FSTL5: variants seen among roughly 807,000 people sequenced by gnomAD.
FSTL5 encodes follistatin-related protein 5.
In FSTL5, 62 loss-of-function variants were observed where a neutral mutation model predicts 89.1. The observed-to-expected ratio is 0.70, with a 90% confidence interval of 0.57 to 0.86. The LOEUF (loss-of-function observed/expected upper bound fraction) is 0.86, where lower values mean the gene tolerates loss of function less well. Among genes scored for constraint, FSTL5 ranks in the 40% least tolerant of loss-of-function variants. The pLI, the probability that FSTL5 is intolerant of heterozygous loss-of-function variation, is 0.00. For synonymous variants in FSTL5, 383 were observed against 346.2 expected (o/e 1.11, Z -1.18); for missense variants, 1,057 against 1,001.6 (o/e 1.06, Z -0.75).
intron 4 of FSTL5, among the ~76,000 whole-genome samples, chr4:161,777,243 GTATA>G (rs4065063): frequency 1.4e-5 from 2 of 144,970 alleles, no homozygotes; most frequent in Non-Finnish European, 3.0e-5. Context: ...ATTTCATTGT[GTATA>G]TATATATATA....
chr4:162,112,164 C>T (rs1377265544), intron 1 of FSTL5, among the ~76,000 whole-genome samples: 1 of 152,162 alleles, frequency 6.6e-6, no homozygotes, highest in East Asian at 1.9e-4. Context: ...CTTTCGCCAA[C>T]ACACCTCCTT....
chr4:162,090,775 C>A (rs561871581), intron 2 of FSTL5, among the ~76,000 whole-genome samples: 3 of 151,824 alleles, frequency 2.0e-5, no homozygotes, highest in Non-Finnish European at 4.4e-5. Flanking sequence ...GCCGAGATTG[C>A]GCCACTGCAC....
At chr4:161,493,723 G>A (rs1729961895) in intron 12 of FSTL5, among the ~76,000 whole-genome samples, 1 of 152,000 alleles carries the variant, frequency 6.6e-6, no homozygotes, top group Non-Finnish European at 1.5e-5. Context: ...TGTAAAGCGT[G>A]CGGAATGCAC....
chr4:162,072,964 G>T (rs1729689572), intron 2 of FSTL5, among the ~76,000 whole-genome samples: 1 of 151,670 alleles, frequency 6.6e-6, no homozygotes, highest in African/African-American at 2.4e-5. Flanking sequence ...ATTGACTATT[G>T]CCTTTGACCT....
intron 9 of FSTL5, among the ~76,000 whole-genome samples, chr4:161,538,955 G>A (rs1463259992): frequency 6.6e-6 from 1 of 151,902 alleles, no homozygotes; most frequent in African/African-American, 2.4e-5. Context: ...AGTAGAGATG[G>A]GGTTTCACCA....
chr4:161,899,604 T>C (rs1256249738), intron 4 of FSTL5, among the ~76,000 whole-genome samples: 6 of 152,134 alleles, frequency 3.9e-5, no homozygotes, highest in Non-Finnish European at 4.4e-5. Flanking sequence ...ATATCTACTA[T>C]GTGTCAGATA....
At chr4:161,447,148 A>G (rs375401854) in intron 15 of FSTL5, among the ~76,000 whole-genome samples, 2 of 152,152 alleles carry the variant, frequency 1.3e-5, no homozygotes, top group East Asian at 3.9e-4. Context: ...CAAATCTGCA[A>G]TGTGGAGTGT....
intron 2 of FSTL5, among the ~76,000 whole-genome samples, chr4:162,058,964 C>A (rs1386371062): frequency 6.6e-6 from 1 of 152,070 alleles, no homozygotes; most frequent in Non-Finnish European, 1.5e-5. Flanking sequence ...TTCACTAATT[C>A]TTTACCCTTG....
chr4:162,046,136 G>GT (rs879359092), intron 2 of FSTL5, among the ~76,000 whole-genome samples: 8 of 152,066 alleles, frequency 5.3e-5, no homozygotes, highest in South Asian at 4.1e-4. Context: ...TGGAACACGG[G>GT]TTTTTTTATT....
intron 2 of FSTL5, among the ~76,000 whole-genome samples, chr4:162,048,028 T>C (rs1306368093): frequency 6.6e-6 from 1 of 152,064 alleles, no homozygotes; most frequent in African/African-American, 2.4e-5. Context: ...CAATTGTTCA[T>C]GTTAAAGCCT....
At chr4:162,144,973 G>T (rs1179700293) in intron 1 of FSTL5, among the ~76,000 whole-genome samples, 6 of 148,318 alleles carry the variant, frequency 4.0e-5, no homozygotes, top group Admixed American at 4.0e-4. Context: ...ATTATACAAT[G>T]AATACAATAT....
At chr4:161,471,780 T>C (rs1025601686) in intron 13 of FSTL5, among the ~76,000 whole-genome samples, 1 of 152,200 alleles carries the variant, frequency 6.6e-6, no homozygotes, top group Admixed American at 6.5e-5. Context: ...TGCTGCATTT[T>C]GTGTTTCCAT....
intron 15 of FSTL5, among the ~76,000 whole-genome samples, chr4:161,412,047 AC>A (rs1731611298): frequency 6.6e-6 from 1 of 152,136 alleles, no homozygotes; most frequent in African/African-American, 2.4e-5. Flanking sequence ...TACACTAACA[AC>A]ATCCAGGCTG....
intron 3 of FSTL5, among the ~76,000 whole-genome samples, chr4:161,963,763 T>C (rs939334581): frequency 2.0e-5 from 3 of 151,976 alleles, no homozygotes; most frequent in Non-Finnish European, 4.4e-5. Flanking sequence ...TGGATAAGTA[T>C]AAATATGACA....
At chr4:162,005,696 A>G (rs1736595654) in intron 3 of FSTL5, among the ~76,000 whole-genome samples, 2 of 152,210 alleles carry the variant, frequency 1.3e-5, no homozygotes, top group South Asian at 4.1e-4. Context: ...AAATTAAGGT[A>G]CACTGACATT....
At chr4:161,498,912 A>G (rs1730190523) in intron 12 of FSTL5, among the ~76,000 whole-genome samples, 2 of 152,138 alleles carry the variant, frequency 1.3e-5, no homozygotes, top group South Asian at 4.1e-4. Flanking sequence ...ATTATAAAAG[A>G]AAATAGGGCC....
intron 12 of FSTL5, among the ~76,000 whole-genome samples, chr4:161,493,589 A>G (rs1337293080): frequency 1.3e-5 from 2 of 152,032 alleles, no homozygotes; most frequent in African/African-American, 2.4e-5. Context: ...GATTTTGTAA[A>G]TCTCAAGTAA....
chr4:161,965,881 G>A (rs1448456560), intron 3 of FSTL5, among the ~76,000 whole-genome samples: 3 of 151,988 alleles, frequency 2.0e-5, no homozygotes, highest in Non-Finnish European at 4.4e-5. Flanking sequence ...AGTAGAGTAT[G>A]GGTAATCTGT....
chr4:161,487,394 A>G (rs1227119949), intron 12 of FSTL5, among the ~76,000 whole-genome samples: 1 of 152,162 alleles, frequency 6.6e-6, no homozygotes, highest in Admixed American at 6.5e-5. Flanking sequence ...GTTGGCATAC[A>G]ATTTGCTACC....
Sources: allele counts gnomAD v4.1 joint callset (sites outside exome capture counted in the v4.1 genomes callset), GRCh38; gene constraint gnomAD v4.1.1; transcripts MANE v1.5; gene names NCBI Gene and HGNC (gene_info 2026-07-23, HGNC 2026-07-21).